The following ABCC11 variants were observed in gnomAD, a reference collection of about 807,000 sequenced individuals.
The protein encoded by ABCC11 is ATP-binding cassette sub-family C member 11.
ABCC11 carries 135 observed loss-of-function variants against 149.3 expected under a neutral mutation model. That is an observed-to-expected ratio of 0.90 (90% CI 0.79 to 1.04). The LOEUF is 1.04. ABCC11 is among the 50% of genes least tolerant of loss of function. The pLI, the probability that ABCC11 is intolerant of heterozygous loss-of-function variation, is 0.00. For synonymous variants in ABCC11, 665 were observed against 671.4 expected (o/e 0.99, Z 0.15); for missense variants, 1,680 against 1,722.1 (o/e 0.98, Z 0.43).
chr16:48,170,028 G>T lies in ABCC11; in HGVS notation c.3891+77C>A, dbSNP rs1004554042. ...GCCCAGTGTCCCACGGTAGTGAAGG[G>T]AGAGGGAGCCGGTGTGGCTTCCCTC... On this transcript the variant is annotated intron_variant, in intron 28 of 29. Coordinates refer to ENST00000356608, the MANE Select transcript of ABCC11 (RefSeq NM_001370497.1). 6.2e-6 allele frequency: 7 copies of T among 1,133,958 alleles called. No individual in the cohort carries two copies. In the African/African-American group the frequency reaches 1.1e-4, roughly 18 times the overall value. The allele number at this position is 1,133,958 out of a possible 1,614,324, so 70.2% of individuals were successfully genotyped here. A position where few individuals can be genotyped will look rare whatever the true frequency, so the allele number is the denominator to read the frequency against.
intron 10 of ABCC11, among the ~76,000 whole-genome samples, chr16:48,212,437 G>A (rs1969005251): frequency 2.0e-5 from 3 of 152,108 alleles, no homozygotes. Context: ...AAAAAAAACA[G>A]CAAAAATAAA....
intron 12 of ABCC11, 70 bp downstream of exon 12, chr16:48,208,355 T>C: frequency 6.3e-7 from 1 of 1,580,772 alleles, no homozygotes; most frequent in African/African-American, 1.3e-5. Context: ...GGGCCCCGCC[T>C]GGGGCACTGG....
chr16:48,239,969 G>A (rs1034819320), intron 1 of ABCC11, among the ~76,000 whole-genome samples: 2 of 152,150 alleles, frequency 1.3e-5, no homozygotes, highest in Non-Finnish European at 2.9e-5. Context: ...CAAAACCACA[G>A]TGAGATGCCA....
chr16:48,168,033 T>C (rs1327045626), intron 28 of ABCC11, among the ~76,000 whole-genome samples: 1 of 152,250 alleles, frequency 6.6e-6, no homozygotes, highest in African/African-American at 2.4e-5. Flanking sequence ...CATGAGATGA[T>C]TTCTCCAGCA....
chr16:48,182,286 C>T (rs957577026), intron 23 of ABCC11, among the ~76,000 whole-genome samples: 19 of 152,182 alleles, frequency 1.2e-4, no homozygotes, highest in Non-Finnish European at 1.5e-5. Flanking sequence ...ACGCACATGC[C>T]TGTGTGTGCA....
intron 11 of ABCC11, 59 bp downstream of exon 11, chr16:48,210,889 T>C: frequency 1.3e-6 from 2 of 1,585,102 alleles, no homozygotes; most frequent in Non-Finnish European, 8.6e-7. Context: ...GCCAAGCTCC[T>C]AGCCTCAGGT....
At chr16:48,170,078 C>G in intron 28 of ABCC11, 27 bp downstream of exon 28, 1 of 1,592,426 alleles carries the variant, frequency 6.3e-7, no homozygotes, top group Non-Finnish European at 8.6e-7. Context: ...GTGGCTTCCC[C>G]TGGCCACACG....
intron 23 of ABCC11, 90 bp from the exon 24 acceptor site, chr16:48,178,776 C>T: frequency 2.7e-6 from 3 of 1,116,282 alleles, no homozygotes; most frequent in South Asian, 2.6e-5. Context: ...ATTGCCATTG[C>T]CCCTGAGTGA....
chr16:48,242,922 G>T (rs1262751637), intron 1 of ABCC11, among the ~76,000 whole-genome samples: 1 of 151,996 alleles, frequency 6.6e-6, no homozygotes, highest in Non-Finnish European at 1.5e-5. Context: ...GGGGGGGAAG[G>T]GATACCATTA....
At chr16:48,165,025 T>C (rs1965291114), downstream of ABCC11, 2 of 152,158 alleles carry the variant, frequency 1.3e-5, no homozygotes, top group South Asian at 2.1e-4. Context: ...AGTGGGGCCA[T>C]CACCGCATTT....
chr16:48,175,677 T>C (rs1382906303), intron 25 of ABCC11, among the ~76,000 whole-genome samples: 3 of 152,240 alleles, frequency 2.0e-5, no homozygotes, highest in Non-Finnish European at 4.4e-5. Flanking sequence ...TTTTGTTTCA[T>C]ATACACAATG....
rs747288199 is a variant in ABCC11, at chr16:48,192,553, T to C, written c.2673A>G (p.Ala891=). 3 of 1,614,246 alleles carry C rather than the reference T, an allele frequency of 1.9e-6. No individual in the cohort carries two copies. Among genetic ancestry groups the C allele is most frequent in the Admixed American group, 3.3e-5 (2 of 60,026 alleles). ...AGAGCTTGTTGTGCAGGGCCGTGGA[T>C]GCCTTCCTCGTGACCTTGGTGAAAA... ...SGIFTKVTRK[A]STALHNKLFN... Residue 891 remains alanine, a synonymous_variant, in exon 20 of 30, where the codon GCA becomes GCG. Transcript: ENST00000356608.
chr16:48,230,065 C>G (rs930655949), intron 3 of ABCC11, among the ~76,000 whole-genome samples: 1 of 152,200 alleles, frequency 6.6e-6, no homozygotes, highest in Non-Finnish European at 1.5e-5. Flanking sequence ...CCTCAACACT[C>G]GCATACTTCT....
At chr16:48,186,323 T>C (rs1220342713) in intron 22 of ABCC11, among the ~76,000 whole-genome samples, 1 of 152,218 alleles carries the variant, frequency 6.6e-6, no homozygotes, top group Admixed American at 6.5e-5. Flanking sequence ...CCAAGCAGTT[T>C]ATCTGCCCCT....
intron 11 of ABCC11, 92 bp downstream of exon 11, chr16:48,210,856 C>A (rs1596781328): frequency 6.6e-7 from 1 of 1,518,170 alleles, no homozygotes; most frequent in South Asian, 1.3e-5. Context: ...CAGTTTTTAA[C>A]CAAGGAAATG....
At chr16:48,169,357 T>C (rs1444538401) in intron 28 of ABCC11, among the ~76,000 whole-genome samples, 1 of 152,164 alleles carries the variant, frequency 6.6e-6, no homozygotes, top group Non-Finnish European at 1.5e-5. Flanking sequence ...TGGCACTCAG[T>C]GAAATGAATA....
At chr16:48,228,468 C>T (rs148439553) in intron 3 of ABCC11, among the ~76,000 whole-genome samples, 14 of 152,078 alleles carry the variant, frequency 9.2e-5, no homozygotes, top group Non-Finnish European at 1.3e-4. Context: ...GTGGTGTGCA[C>T]GCCTGTAATC....
intron 1 of ABCC11, among the ~76,000 whole-genome samples, chr16:48,241,019 C>G (rs1970940604): frequency 6.6e-6 from 1 of 152,092 alleles, no homozygotes; most frequent in Non-Finnish European, 1.5e-5. Flanking sequence ...ACTGCAACCT[C>G]TGCCTCCTGG....
At chr16:48,200,996 T>G (rs182614377) in intron 14 of ABCC11, among the ~76,000 whole-genome samples, 2 of 152,282 alleles carry the variant, frequency 1.3e-5, no homozygotes, top group African/African-American at 4.8e-5. Flanking sequence ...CCAAAAAACA[T>G]GTACAAATAT....
Sources: gnomAD v4.1 joint callset for allele counts (sites outside exome capture counted in the v4.1 genomes callset) on GRCh38, gnomAD v4.1.1 for gene constraint, MANE v1.5 for transcripts, NCBI Gene and HGNC (gene_info 2026-07-23, HGNC 2026-07-21) for gene names.